Variants in UGT1A8 observed in about 807,000 individuals in gnomAD.
UGT1A8 encodes UDP glucuronosyltransferase family 1 member A8, also known as UDP-glucuronosyltransferase 1A8.
UGT1A8 carries 39 observed loss-of-function variants against 45.3 expected under a neutral mutation model. The ratio of observed to expected loss-of-function variants is 0.86; its 90% confidence interval spans 0.67 to 1.12. The LOEUF (loss-of-function observed/expected upper bound fraction) is 1.12. Ranked by LOEUF, UGT1A8 falls within the 50% of genes most tolerant of loss-of-function variation. UGT1A8 has a pLI of 0.00. For synonymous variants in UGT1A8, 275 were observed against 249.2 expected (o/e 1.10, Z -0.97); for missense variants, 719 against 664.9 (o/e 1.08, Z -0.90).
Position 233,724,773 on chromosome 2 carries a change from C to T in UGT1A8, c.856-42261C>T, listed in dbSNP as rs1185900341. 1.4e-5 allele frequency among the ~76,000 whole-genome samples: 2 copies of T among 142,472 alleles called. 1 individual carries two copies. Among genetic ancestry groups the T allele is most frequent in the African/African-American group, 5.4e-5 (2 of 37,242 alleles). 93.5% of individuals were successfully genotyped at this position (142,472 alleles called of 152,430 possible). ...CAGACGATGGGCGGCCAGGCAGAGACACTCCTCACTTCCCAGACGGGGTGG... is the reference window on the plus strand; with the variant it reads ...CAGACGATGGGCGGCCAGGCAGAGATACTCCTCACTTCCCAGACGGGGTGG... On this transcript the variant is annotated intron_variant, in intron 1 of 4. Transcript: ENST00000373450.
chr2:233,760,894 C>A, intron 1 of UGT1A8: 1 of 1,614,174 alleles, frequency 6.2e-7, no homozygotes, highest in Non-Finnish European at 8.5e-7. Context: ...TCATTCAGAT[C>A]ACATGACCTT....
At chr2:233,666,568 C>T (rs987493791) in intron 1 of UGT1A8, among the ~76,000 whole-genome samples, 1 of 151,966 alleles carries the variant, frequency 6.6e-6, no homozygotes, top group Non-Finnish European at 1.5e-5. Flanking sequence ...TATTTATATT[C>T]TGGATATTTA....
chr2:233,646,355 C>G (rs997817266), intron 1 of UGT1A8, among the ~76,000 whole-genome samples: 4 of 151,798 alleles, frequency 2.6e-5, no homozygotes, highest in African/African-American at 9.7e-5. Context: ...ACATTCGGCT[C>G]CTCATTACTT....
intron 1 of UGT1A8, among the ~76,000 whole-genome samples, chr2:233,723,730 C>G (rs1044734705): frequency 1.3e-5 from 1 of 79,384 alleles, no homozygotes; most frequent in Non-Finnish European, 2.2e-5. Flanking sequence ...TTGGTGATGA[C>G]TCTTAACGAG....
chr2:233,681,970 C>G (rs7577677), intron 1 of UGT1A8: 6 of 1,613,842 alleles, frequency 3.7e-6, no homozygotes, highest in Middle Eastern at 3.3e-4. Context: ...GCCTCCTTCC[C>G]CTATATGTGT....
chr2:233,638,598 A>C (rs1346811600), intron 1 of UGT1A8, among the ~76,000 whole-genome samples: 1 of 152,164 alleles, frequency 6.6e-6, no homozygotes, highest in Non-Finnish European at 1.5e-5. Context: ...ATACCAGAAT[A>C]AGATTCTTGG....
intron 1 of UGT1A8, chr2:233,713,770 A>C: frequency 1.9e-6 from 3 of 1,613,732 alleles, no homozygotes; most frequent in Non-Finnish European, 2.5e-6. Flanking sequence ...TTCCGAGGGG[A>C]CTTTGTGATG....
At chr2:233,718,209 T>C (rs1050950031) in intron 1 of UGT1A8, among the ~76,000 whole-genome samples, 2 of 152,238 alleles carry the variant, frequency 1.3e-5, no homozygotes, top group Non-Finnish European at 2.9e-5. Flanking sequence ...TTTTTTTATA[T>C]TGACAGCCAC....
chr2:233,714,390 A>G (rs994854711), intron 1 of UGT1A8, among the ~76,000 whole-genome samples: 23 of 152,218 alleles, frequency 1.5e-4, no homozygotes, highest in Non-Finnish European at 2.6e-4. Context: ...AATTGGGCCA[A>G]TGTAGGTGCA....
At chr2:233,667,935 G>A (rs2074110980) in intron 1 of UGT1A8, among the ~76,000 whole-genome samples, 2 of 152,132 alleles carry the variant, frequency 1.3e-5, no homozygotes, top group Non-Finnish European at 2.9e-5. Context: ...CTGTTGGTGG[G>A]ACTGTAAACT....
intron 1 of UGT1A8, among the ~76,000 whole-genome samples, chr2:233,656,525 G>T (rs777772295): frequency 6.6e-6 from 1 of 152,224 alleles, no homozygotes; most frequent in Non-Finnish European, 1.5e-5. Flanking sequence ...CTCTGTGGCA[G>T]TTGGAACATA....
chr2:233,748,947 C>T (rs900612588), intron 1 of UGT1A8, among the ~76,000 whole-genome samples: 1 of 151,662 alleles, frequency 6.6e-6, no homozygotes. Context: ...CCCACCCTAT[C>T]CCACTCCAAG....
At chr2:233,706,617 A>G (rs1052498313) in intron 1 of UGT1A8, among the ~76,000 whole-genome samples, 1 of 152,154 alleles carries the variant, frequency 6.6e-6, no homozygotes, top group African/African-American at 2.4e-5. Context: ...AGAAGACTAG[A>G]GAAATGAGTG....
intron 1 of UGT1A8, among the ~76,000 whole-genome samples, chr2:233,644,005 A>C (rs2073531844): frequency 6.6e-6 from 1 of 152,164 alleles, no homozygotes; most frequent in Admixed American, 6.5e-5. Flanking sequence ...CAAGCTGTGC[A>C]TCCTGGGATT....
At chr2:233,625,742 G>A (rs756429390) in intron 1 of UGT1A8, among the ~76,000 whole-genome samples, 15 of 151,732 alleles carry the variant, frequency 9.9e-5, no homozygotes, top group Non-Finnish European at 2.2e-4. Context: ...TAAATAGTGG[G>A]TACTCATGGG....
At chr2:233,664,448 C>G (rs540189715) in intron 1 of UGT1A8, among the ~76,000 whole-genome samples, 1 of 152,252 alleles carries the variant, frequency 6.6e-6, no homozygotes, top group East Asian at 1.9e-4. Flanking sequence ...ATGCCTGAGA[C>G]TGGGTAATTT....
intron 1 of UGT1A8, chr2:233,747,401 A>G: frequency 6.2e-7 from 1 of 1,606,744 alleles, no homozygotes; most frequent in East Asian, 2.2e-5. Flanking sequence ...TCCTCACCCC[A>G]GAGGTGAATA....
chr2:233,627,537 A>G (rs1196681791), intron 1 of UGT1A8, among the ~76,000 whole-genome samples: 1 of 152,016 alleles, frequency 6.6e-6, no homozygotes, highest in Non-Finnish European at 1.5e-5. Context: ...ATGAGACAAA[A>G]ACGTATTTCA....
At chr2:233,737,076 G>T (rs183644627) in intron 1 of UGT1A8, among the ~76,000 whole-genome samples, 1 of 152,230 alleles carries the variant, frequency 6.6e-6, no homozygotes, top group Non-Finnish European at 1.5e-5. Context: ...CTTCAGAGCT[G>T]TCAGACAGGG....
Sources: allele counts gnomAD v4.1 joint callset (sites outside exome capture counted in the v4.1 genomes callset), GRCh38; gene constraint gnomAD v4.1.1; transcripts MANE v1.5; gene names NCBI Gene and HGNC (gene_info 2026-07-23, HGNC 2026-07-21).